PCDH15: variants seen among roughly 807,000 people sequenced by gnomAD.
PCDH15 encodes protocadherin related 15.
Under a neutral mutation model 178.5 loss-of-function variants are expected in PCDH15, and 129 were observed. The ratio of observed to expected loss-of-function variants is 0.72; its 90% CI spans 0.63 to 0.84. The LOEUF is 0.84. Ranked by LOEUF, PCDH15 falls within the 40% of genes least tolerant of loss-of-function variation. The pLI is 0.00. For missense variants in PCDH15, 2,230 were observed against 2,099.9 expected (o/e 1.06, Z -1.21); for synonymous variants, 800 against 732.0 (o/e 1.09, Z -1.50).
At chr10:54,465,859 A>G (rs2077482679) in intron 3 of PCDH15, among the ~76,000 whole-genome samples, 2 of 151,996 alleles carry the variant, frequency 1.3e-5, no homozygotes, top group Non-Finnish European at 2.9e-5. Context: ...ATTGCCACCA[A>G]CAGTGTATAA....
intron 23 of PCDH15, among the ~76,000 whole-genome samples, chr10:53,943,689 T>C (rs1198753572): frequency 6.6e-6 from 1 of 152,142 alleles, no homozygotes; most frequent in Admixed American, 6.6e-5. Flanking sequence ...ATTCTATTTG[T>C]TAGTAAATGT....
intron 5 of PCDH15, among the ~76,000 whole-genome samples, chr10:54,353,837 A>G (rs560321023): frequency 6.6e-6 from 1 of 152,316 alleles, no homozygotes; most frequent in East Asian, 1.9e-4. Flanking sequence ...TGAATAAATA[A>G]TAGACAAATT....
chr10:53,827,075 C>T (rs1379603604), intron 32 of PCDH15, among the ~76,000 whole-genome samples: 1 of 151,408 alleles, frequency 6.6e-6, no homozygotes, highest in African/African-American at 2.4e-5. Flanking sequence ...TATACATATA[C>T]ATTATATATA....
intron 16 of PCDH15, among the ~76,000 whole-genome samples, chr10:54,085,879 C>T (rs542621095): frequency 1.3e-4 from 20 of 151,834 alleles, no homozygotes; most frequent in Admixed American, 7.9e-4. Flanking sequence ...TATAATGATG[C>T]GTATTGAGAG....
intron 3 of PCDH15, among the ~76,000 whole-genome samples, chr10:54,859,890 C>T (rs1953809869): frequency 6.6e-6 from 1 of 151,602 alleles, no homozygotes; most frequent in South Asian, 2.1e-4. Context: ...TTTTTCTGTT[C>T]CAAATAATGT....
intron 14 of PCDH15, among the ~76,000 whole-genome samples, chr10:54,136,194 G>A (rs796590443): frequency 6.6e-6 from 1 of 152,144 alleles, no homozygotes; most frequent in African/African-American, 2.4e-5. Flanking sequence ...CTTTAGGGTA[G>A]GATACAAGAA....
At chr10:55,134,780 G>A (rs1443429612) in intron 2 of PCDH15, among the ~76,000 whole-genome samples, 8 of 152,126 alleles carry the variant, frequency 5.3e-5, no homozygotes, top group African/African-American at 9.7e-5. Flanking sequence ...GCTCAGCAGC[G>A]ATTGAGTGTT....
chr10:54,026,099 T>C (rs2255818), intron 18 of PCDH15, among the ~76,000 whole-genome samples: 2,403 of 151,908 alleles, frequency 0.016, 58 homozygotes, highest in African/African-American at 0.055. Context: ...AAACAGGTCT[T>C]GCTCTGTCAC....
intron 8 of PCDH15, among the ~76,000 whole-genome samples, chr10:54,248,089 A>C (rs893818461): frequency 6.6e-6 from 1 of 151,508 alleles, no homozygotes; most frequent in Non-Finnish European, 1.5e-5. Flanking sequence ...AGCTAGGGAG[A>C]AAAAAATTTT....
intron 26 of PCDH15, among the ~76,000 whole-genome samples, chr10:53,869,599 A>T (rs371586352): frequency 6.6e-6 from 1 of 152,180 alleles, no homozygotes; most frequent in Non-Finnish European, 1.5e-5. Flanking sequence ...TGTAAAGCTC[A>T]TTAAAATTTT....
At chr10:55,135,910 A>T (rs542256046) in intron 2 of PCDH15, among the ~76,000 whole-genome samples, 86 of 152,110 alleles carry the variant, frequency 5.7e-4, no homozygotes, top group Middle Eastern at 6.8e-3. Context: ...CTTCTTGTTG[A>T]ATTTGTATAT....
chr10:53,974,769 T>C (rs1246750907), intron 21 of PCDH15, among the ~76,000 whole-genome samples: 1 of 152,134 alleles, frequency 6.6e-6, no homozygotes, highest in African/African-American at 2.4e-5. Flanking sequence ...CCCTTTTTCT[T>C]ATTTTTTTTT....
intron 28 of PCDH15, among the ~76,000 whole-genome samples, chr10:53,854,319 A>C (rs1054603377): frequency 1.3e-5 from 2 of 152,016 alleles, no homozygotes; most frequent in East Asian, 1.9e-4. Context: ...AAAATGAAGA[A>C]GTTCTGAAAA....
In PCDH15 at chr10:55,268,945, T is replaced by C. The variant is rs1842369436; in HGVS notation, c.-156+50654A>G. Among the ~76,000 whole-genome samples, 3 of 152,136 alleles carry C rather than the reference T, an allele frequency of 2.0e-5. No individual in the cohort carries two copies. In the South Asian group the frequency reaches 6.2e-4, roughly 32 times the overall value. ...AAAAACTTAATACACCATGATTAAG[T>C]AGGATTAATTCCTGGAATCCAAGGC... On this transcript the variant is annotated intron_variant, in intron 1 of 5. Coordinates refer to the PCDH15 transcript ENST00000458638.
intron 26 of PCDH15, among the ~76,000 whole-genome samples, chr10:53,868,154 A>T (rs1007577197): frequency 6.6e-6 from 1 of 152,058 alleles, no homozygotes; most frequent in Non-Finnish European, 1.5e-5. Context: ...AGGCTTGATA[A>T]AAGACTATAT....
intron 2 of PCDH15, among the ~76,000 whole-genome samples, chr10:55,504,820 A>G (rs1334531): frequency 6.6e-6 from 1 of 151,118 alleles, no homozygotes; most frequent in African/African-American, 2.4e-5. Flanking sequence ...AAATAAATAC[A>G]TAGATATAAT....
chr10:55,235,764 G>A (rs1010346505), intron 1 of PCDH15, among the ~76,000 whole-genome samples: 48 of 151,932 alleles, frequency 3.2e-4, no homozygotes, highest in Middle Eastern at 3.4e-3. Context: ...AAAATTAGCC[G>A]GGCGCGGTGG....
chr10:55,094,006 T>A (rs1442645115), intron 2 of PCDH15, among the ~76,000 whole-genome samples: 1 of 152,088 alleles, frequency 6.6e-6, no homozygotes, highest in Admixed American at 6.6e-5. Context: ...GATCTAGAAC[T>A]AGAAATACCA....
At chr10:55,149,774 T>C (rs1385461582) in intron 2 of PCDH15, among the ~76,000 whole-genome samples, 1 of 152,100 alleles carries the variant, frequency 6.6e-6, no homozygotes, top group African/African-American at 2.4e-5. Flanking sequence ...TACTTTTAGG[T>C]TCTATTCTAG....
Sources: allele counts gnomAD v4.1 joint callset (sites outside exome capture counted in the v4.1 genomes callset), GRCh38; gene constraint gnomAD v4.1.1; transcripts MANE v1.5; gene names NCBI Gene and HGNC (gene_info 2026-07-23, HGNC 2026-07-21).